The following EXTL3 variants were observed in gnomAD, a reference collection of about 807,000 sequenced individuals.
The protein encoded by EXTL3 is exostosin like glycosyltransferase 3.
A neutral mutation model predicts 69.3 loss-of-function variants in EXTL3; 27 were observed. The observed-to-expected ratio is 0.39, with a 90% confidence interval of 0.29 to 0.54. The LOEUF (loss-of-function observed/expected upper bound fraction) is 0.54, where lower values mean the gene tolerates loss of function less well. Ranked by LOEUF, EXTL3 falls within the 20% of genes least tolerant of loss-of-function variation. The pLI is 0.69. For missense variants in EXTL3, 1,003 were observed against 1,231.8 expected, an observed-to-expected ratio of 0.81 and a Z score of 2.78; for synonymous variants, 511 against 499.4, an observed-to-expected ratio of 1.02 and a Z score of -0.31.
At chr8:28,743,478 T>C (rs1337821339) in intron 6 of EXTL3, among the ~76,000 whole-genome samples, 1 of 152,220 alleles carries the variant, frequency 6.6e-6, no homozygotes, top group Admixed American at 6.5e-5. Context: ...TATTAATGTC[T>C]TACTGGAATA....
At chr8:28,704,270 C>T (rs747836520) in intron 1 of EXTL3, among the ~76,000 whole-genome samples, 25 of 152,180 alleles carry the variant, frequency 1.6e-4, no homozygotes, top group Non-Finnish European at 3.1e-4. Flanking sequence ...GAAGTGGAGC[C>T]ATAGGAAGAT....
At chr8:28,738,344 A>G (rs749644758) in intron 5 of EXTL3, among the ~76,000 whole-genome samples, 4 of 152,238 alleles carry the variant, frequency 2.6e-5, no homozygotes, top group Non-Finnish European at 4.4e-5. Flanking sequence ...AAAGTGCACA[A>G]CAGCTTTCAA....
At chr8:28,633,505 G>T (rs1806602967) in intron 1 of EXTL3, among the ~76,000 whole-genome samples, 1 of 151,818 alleles carries the variant, frequency 6.6e-6, no homozygotes, top group African/African-American at 2.4e-5. Context: ...GTGGTGTTGG[G>T]CGCCTGTAGT....
At chr8:28,622,488 A>G (rs1327923195), upstream of EXTL3, among the ~76,000 whole-genome samples, 2 of 151,070 alleles carry the variant, frequency 1.3e-5, no homozygotes, top group Non-Finnish European at 3.0e-5. Flanking sequence ...CGGGGCCGCG[A>G]GAAGGCGGGC....
At chr8:28,705,622 A>G (rs1005575653) in intron 1 of EXTL3, among the ~76,000 whole-genome samples, 6 of 152,070 alleles carry the variant, frequency 3.9e-5, no homozygotes, top group South Asian at 2.1e-4. Flanking sequence ...CACTTTCTCT[A>G]TCTCATTCAG....
chr8:28,672,570 A>G (rs1162620149), intron 1 of EXTL3, among the ~76,000 whole-genome samples: 1 of 152,168 alleles, frequency 6.6e-6, no homozygotes, highest in Non-Finnish European at 1.5e-5. Context: ...ATCAGCATCA[A>G]TATCACCTGG....
intron 6 of EXTL3, among the ~76,000 whole-genome samples, chr8:28,748,862 A>G (rs1297146883): frequency 6.6e-6 from 1 of 152,090 alleles, no homozygotes; most frequent in Non-Finnish European, 1.5e-5. Flanking sequence ...TAATCCCAAC[A>G]TGTTGAGAGG....
At position 28,717,387 on chromosome 8, in the gene EXTL3, T is replaced by C; in HGVS notation, c.1328T>C (p.Ile443Thr). The change falls in exon 3 of 7, where the codon ATT becomes ACT. Residue 443 changes from isoleucine to threonine, a missense_variant. Transcript: ENST00000220562. The surrounding 1 kb of genome is among the most constrained non-coding windows in gnomAD (Gnocchi z 8.3). Reference protein sequence around the residue: ...IITPGDPRLVISSGCATRLFE... With the variant: ...IITPGDPRLVTSSGCATRLFE... ...ACCCCCGGGGACCCTCGCTTGGTTATTTCCTCTGGGTGTGCAACACGGCTC... is the reference window on the plus strand; with the variant it reads ...ACCCCCGGGGACCCTCGCTTGGTTACTTCCTCTGGGTGTGCAACACGGCTC... 6.2e-7 allele frequency: 1 copy of C among 1,614,170 alleles called. No individual in the cohort carries two copies.
In EXTL3 at chr8:28,623,180, G is replaced by T. The variant is rs112148594; in HGVS notation, c.-53+370G>T. Among the ~76,000 whole-genome samples the T allele has an allele frequency of 6.1e-3, 933 of 152,242 alleles. 7 individuals are homozygous for T. The highest frequency in any genetic ancestry group is 0.022 in the African/African-American group (904 of 41,540). The stretch of plus-strand genomic sequence containing the variant: ...GGTCCGTATCACACTGTGGGCGGGG[G>T]TCCCGACCCCTGCTGCCTCGGGTAC... On this transcript the variant is annotated intron_variant, in intron 1 of 6. Transcript: ENST00000523149. This position sits in a 1 kb window ranked among gnomAD's most constrained non-coding sequence, Gnocchi z 4.2.
At chr8:28,745,933 T>A (rs938331987) in intron 6 of EXTL3, among the ~76,000 whole-genome samples, 1 of 152,208 alleles carries the variant, frequency 6.6e-6, no homozygotes, top group African/African-American at 2.4e-5. Context: ...AATTCAAGAT[T>A]GGGATGACTT....
Position 28,653,410 on chromosome 8 carries a change from T to A in EXTL3, c.-53+30600T>A, listed in dbSNP as rs529717996. ...TTTATCTATATATTCTTTTGTTACC[T>A]GTGCTTTTTAAGTGTCATACTTAAG... On this transcript the variant is annotated intron_variant, in intron 1 of 6. Coordinates refer to the EXTL3 transcript ENST00000523149. Among the ~76,000 whole-genome samples, 3 of 152,354 alleles carry A rather than the reference T, an allele frequency of 2.0e-5. No individual in the cohort carries two copies. In the South Asian group the frequency reaches 6.2e-4, roughly 32 times the overall value.
At chr8:28,609,462 C>A (rs1806244058) in intron 2 of EXTL3, among the ~76,000 whole-genome samples, 1 of 151,516 alleles carries the variant, frequency 6.6e-6, no homozygotes, top group Non-Finnish European at 1.5e-5. Flanking sequence ...TAGGGAAATT[C>A]CTACAGTTTT....
Position 28,716,132 on chromosome 8 carries a change from A to G in EXTL3, c.73A>G (p.Asn25Asp). The change falls in exon 3 of 7, where the codon AAC becomes GAC. Residue 25 changes from asparagine to aspartate, a missense_variant. Coordinates refer to ENST00000220562, the MANE Select transcript of EXTL3 (RefSeq NM_001440.4). The surrounding 1 kb of genome is among the most constrained non-coding windows in gnomAD (Gnocchi z 7.1). ...GGQTCMLRWS[N>D]RIRLTWLSFT... is the part of the protein sequence containing the mutation. ...TCAGACCTGCATGCTGCGCTGGTCC[A>G]ACCGCATCCGCCTCACGTGGCTCAG... 6.2e-7 allele frequency: 1 copy of G among 1,613,954 alleles called. No homozygotes were observed. The highest frequency in any genetic ancestry group is 8.5e-7 in the Non-Finnish European group (1 of 1,180,044).
At chr8:28,707,594 A>C (rs925296110) in intron 1 of EXTL3, among the ~76,000 whole-genome samples, 1 of 152,188 alleles carries the variant, frequency 6.6e-6, no homozygotes, top group Non-Finnish European at 1.5e-5. Flanking sequence ...CTGAATCTCC[A>C]TTACTATCAA....
intron 6 of EXTL3, among the ~76,000 whole-genome samples, chr8:28,747,278 G>A (rs762354029): frequency 5.9e-5 from 9 of 152,164 alleles, no homozygotes; most frequent in African/African-American, 9.7e-5. Context: ...ACGTGATCCC[G>A]AAGGGTTCTA....
At chr8:28,679,958 T>G (rs532523880) in intron 1 of EXTL3, among the ~76,000 whole-genome samples, 2 of 152,212 alleles carry the variant, frequency 1.3e-5, no homozygotes, top group East Asian at 1.9e-4. Context: ...CCAGGCTTTT[T>G]ATAGTAAAAG....
At chr8:28,681,066 C>A in intron 1 of EXTL3, among the ~76,000 whole-genome samples, 1 of 151,546 alleles carries the variant, frequency 6.6e-6, no homozygotes, top group East Asian at 2.0e-4. Context: ...TTAGTAGAGA[C>A]GGTTTCACCA....
chr8:28,654,099 A>G lies in EXTL3; in HGVS notation c.-53+31289A>G, dbSNP rs1424133063. Among the ~76,000 whole-genome samples the G allele has an allele frequency of 3.9e-5, 6 of 152,184 alleles. No homozygotes were observed. The East Asian group carries it at 9.6e-4, about 24-fold the overall frequency. ...ATATTTTTTCACTGATTACATTTTA[A>G]GTTAGTTGTTTGCTGATGCTCTCTA... On this transcript the variant is annotated intron_variant, in intron 1 of 6. Transcript: ENST00000523149.
intron 1 of EXTL3, among the ~76,000 whole-genome samples, chr8:28,626,219 A>G (rs1181853427): frequency 1.3e-5 from 2 of 152,018 alleles, no homozygotes; most frequent in African/African-American, 4.8e-5. Context: ...TGGTGGAGAT[A>G]AAGTACCAAA....
Sources: gnomAD v4.1 joint callset for allele counts (sites outside exome capture counted in the v4.1 genomes callset) on GRCh38, gnomAD v4.1.1 for gene constraint, Gnocchi (gnomAD v3.1) non-coding constraint, MANE v1.5 for transcripts, NCBI Gene and HGNC (gene_info 2026-07-23, HGNC 2026-07-21) for gene names.